Variants in LIMS1 observed in about 807,000 individuals in gnomAD.
LIMS1 encodes the protein LIM and senescent cell antigen-like-containing domain protein 1.
LIMS1 carries 18 observed loss-of-function variants against 44.1 expected under a neutral mutation model. That is an observed-to-expected ratio of 0.41 (90% CI 0.28 to 0.61). LIMS1 has a LOEUF of 0.61. Ranked by LOEUF, LIMS1 falls within the 20% of genes least tolerant of loss-of-function variation. The pLI is 0.32. For missense variants in LIMS1, 201 were observed against 422.0 expected, an observed-to-expected ratio of 0.48 and a Z score of 4.59; for synonymous variants, 93 against 149.1, an observed-to-expected ratio of 0.62 and a Z score of 2.74.
At chr2:108,610,684 C>A (rs2718738) in intron 1 of LIMS1, among the ~76,000 whole-genome samples, 94,988 of 152,002 alleles carry the variant, frequency 0.62, 30,288 homozygotes, top group East Asian at 0.97. Flanking sequence ...CATTTGTTTT[C>A]TTTAAACCAA....
At chr2:108,617,066 T>G (rs1687969192) in intron 1 of LIMS1, among the ~76,000 whole-genome samples, 1 of 152,152 alleles carries the variant, frequency 6.6e-6, no homozygotes, top group Non-Finnish European at 1.5e-5. Flanking sequence ...GGCCTGGAAA[T>G]GTACAGCTGC....
intron 1 of LIMS1, among the ~76,000 whole-genome samples, chr2:108,650,059 CT>C (rs1690355692): frequency 6.6e-6 from 1 of 152,182 alleles, no homozygotes; most frequent in Non-Finnish European, 1.5e-5. Context: ...CAAAAGCCAC[CT>C]AGCAGACCTG....
intron 1 of LIMS1, among the ~76,000 whole-genome samples, chr2:108,559,027 G>T (rs1207439411): frequency 6.6e-6 from 1 of 152,182 alleles, no homozygotes; most frequent in Non-Finnish European, 1.5e-5. Context: ...GGCGCCGGGG[G>T]CAGCTTCTGA....
intron 1 of LIMS1, among the ~76,000 whole-genome samples, chr2:108,649,937 G>A (rs1012661716): frequency 2.3e-4 from 35 of 152,180 alleles, no homozygotes; most frequent in Admixed American, 6.5e-5. Context: ...TGCACGTTCT[G>A]CACATGTACC....
At chr2:108,607,633 A>C (rs770312025) in intron 1 of LIMS1, among the ~76,000 whole-genome samples, 1 of 152,130 alleles carries the variant, frequency 6.6e-6, no homozygotes, top group African/African-American at 2.4e-5. Context: ...TTTACCTGTT[A>C]ATTGTGCCTG....
At chr2:108,642,269 A>G (rs1689718464) in intron 1 of LIMS1, among the ~76,000 whole-genome samples, 1 of 150,832 alleles carries the variant, frequency 6.6e-6, no homozygotes, top group African/African-American at 2.4e-5. Context: ...AATCCTACAG[A>G]TATTTGGTAA....
chr2:108,680,621 T>C (rs754783356), intron 8 of LIMS1, 74 bp from the exon 9 acceptor site: 11 of 1,607,502 alleles, frequency 6.8e-6, no homozygotes, highest in East Asian at 4.5e-5. Context: ...TGTTTTGGAG[T>C]TGAAATTCTA....
intron 1 of LIMS1, among the ~76,000 whole-genome samples, chr2:108,569,764 C>CTTTTTTTTTT (rs10596766): frequency 2.0e-3 from 229 of 112,870 alleles, no homozygotes; most frequent in South Asian, 3.9e-3. Flanking sequence ...CCATATCTGG[C>CTTTTTTTTTT]TTTTTTTTTT....
intron 1 of LIMS1, among the ~76,000 whole-genome samples, chr2:108,603,464 A>G (rs1016408804): frequency 1.4e-5 from 2 of 145,786 alleles, no homozygotes; most frequent in African/African-American, 5.0e-5. Context: ...GAATTTCTGC[A>G]GTATCAGTTG....
chr2:108,631,994 G>A (rs572443236), intron 1 of LIMS1, among the ~76,000 whole-genome samples: 5 of 152,264 alleles, frequency 3.3e-5, no homozygotes, highest in Non-Finnish European at 4.4e-5. Flanking sequence ...TTGTTGAGAT[G>A]CAGTTTCCCT....
intron 1 of LIMS1, among the ~76,000 whole-genome samples, chr2:108,556,077 A>C (rs1017766447): frequency 6.6e-6 from 1 of 152,166 alleles, no homozygotes; most frequent in Non-Finnish European, 1.5e-5. Flanking sequence ...CACATTCACA[A>C]TGCGATTAAA....
intron 1 of LIMS1, among the ~76,000 whole-genome samples, chr2:108,539,979 C>A (rs1396123720): frequency 6.6e-6 from 1 of 151,392 alleles, no homozygotes; most frequent in Non-Finnish European, 1.5e-5. Context: ...CCTTTTCACC[C>A]TGGTTCTGAA....
intron 9 of LIMS1, chr2:108,681,601 G>A (rs770534281): frequency 1.0e-6 from 1 of 964,798 alleles, no homozygotes; most frequent in Non-Finnish European, 1.2e-6. Flanking sequence ...TTTTAAAAAT[G>A]CATATATTCT....
intron 1 of LIMS1, among the ~76,000 whole-genome samples, chr2:108,645,357 G>A (rs1689987532): frequency 6.6e-6 from 1 of 152,128 alleles, no homozygotes; most frequent in Admixed American, 6.5e-5. Context: ...TTAAAGGAAA[G>A]AATTTTCAAT....
intron 1 of LIMS1, among the ~76,000 whole-genome samples, chr2:108,637,629 A>G (rs1362773079): frequency 6.6e-6 from 1 of 152,194 alleles, no homozygotes; most frequent in Non-Finnish European, 1.5e-5. Flanking sequence ...GCCATTCTGT[A>G]TTGGAAACAC....
At chr2:108,584,940 T>C (rs1686035092) in intron 1 of LIMS1, among the ~76,000 whole-genome samples, 1 of 151,848 alleles carries the variant, frequency 6.6e-6, no homozygotes, top group African/African-American at 2.4e-5. Flanking sequence ...TCATTTGAGG[T>C]CAGGAGTTCG....
At chr2:108,563,129 A>G (rs186341603) in intron 1 of LIMS1, among the ~76,000 whole-genome samples, 73 of 152,334 alleles carry the variant, frequency 4.8e-4, no homozygotes, top group African/African-American at 1.6e-3. Context: ...CTTTTAAAAC[A>G]TTGTTCATTG....
intron 1 of LIMS1, among the ~76,000 whole-genome samples, chr2:108,636,454 A>G (rs1189370037): frequency 3.9e-5 from 6 of 152,332 alleles, no homozygotes; most frequent in African/African-American, 1.4e-4. Context: ...AGAGTGCTGC[A>G]GGAGCTTTGC....
chr2:108,639,492 G>A lies in LIMS1; in HGVS notation c.33-20113G>A, dbSNP rs146035383. 8.3e-3 allele frequency among the ~76,000 whole-genome samples: 1,266 copies of A among 152,242 alleles called. 22 individuals are homozygous for A. The highest frequency in any genetic ancestry group is 0.029 in the African/African-American group (1,214 of 41,538). The stretch of plus-strand genomic sequence containing the variant: ...TTTTGAGACTAAGTCTCGCTCTATC[G>A]CCCAGGCTGGAGCGCAGTTGCGCCA... On this transcript the variant is annotated intron_variant, in intron 1 of 9. Transcript: ENST00000544547.
Sources: allele counts gnomAD v4.1 joint callset (sites outside exome capture counted in the v4.1 genomes callset), GRCh38; gene constraint gnomAD v4.1.1; transcripts MANE v1.5; gene names NCBI Gene and HGNC (gene_info 2026-07-23, HGNC 2026-07-21).